TFAP2D: variants seen among roughly 807,000 people sequenced by gnomAD.
The protein encoded by TFAP2D is transcription factor AP-2 delta, also known as transcription factor AP-2-delta.
A neutral mutation model predicts 43.6 loss-of-function variants in TFAP2D; 9 were observed. The ratio of observed to expected loss-of-function variants is 0.21; its 90% CI spans 0.12 to 0.36. TFAP2D has a LOEUF of 0.36. TFAP2D is among the 10% of genes least tolerant of loss of function. The probability of loss-of-function intolerance (pLI) is 1.00; values close to 1 mark genes in which losing one functional copy is unlikely to be tolerated. For synonymous variants in TFAP2D, 256 were observed against 224.9 expected (o/e 1.14, Z -1.24); for missense variants, 513 against 561.4 (o/e 0.91, Z 0.87).
At chr6:50,719,447 G>A (rs865879273) in intron 3 of TFAP2D, among the ~76,000 whole-genome samples, 6 of 131,688 alleles carry the variant, frequency 4.6e-5, no homozygotes, top group Admixed American at 7.9e-5. Flanking sequence ...AAAAGACAGA[G>A]AGAAAGAAAG....
chr6:50,718,305 ACT>A (rs1661762684), intron 2 of TFAP2D: 1 of 150,884 alleles, frequency 6.6e-6, no homozygotes, highest in Admixed American at 6.6e-5. Flanking sequence ...TTATGCACCG[ACT>A]CTCTCCGCAT....
intron 3 of TFAP2D, among the ~76,000 whole-genome samples, chr6:50,721,591 C>A (rs1768725956): frequency 6.6e-6 from 1 of 152,156 alleles, no homozygotes; most frequent in African/African-American, 2.4e-5. Context: ...TGGTAGTACA[C>A]AGGACCCCTA....
intron 6 of TFAP2D, among the ~76,000 whole-genome samples, chr6:50,748,440 A>AATCT (rs1769155204): frequency 6.6e-6 from 1 of 151,962 alleles, no homozygotes; most frequent in Admixed American, 6.6e-5. Context: ...TCCAATTGCT[A>AATCT]ATCTACATTG....
intron 7 of TFAP2D, among the ~76,000 whole-genome samples, chr6:50,754,373 T>A (rs1769237815): frequency 6.6e-6 from 1 of 151,864 alleles, no homozygotes; most frequent in Admixed American, 6.6e-5. Context: ...AGTGTGTATG[T>A]GCCTATATAT....
intron 5 of TFAP2D, among the ~76,000 whole-genome samples, chr6:50,736,646 T>C (rs189838624): frequency 1.0e-3 from 159 of 152,270 alleles, no homozygotes; most frequent in Non-Finnish European, 2.1e-3. Flanking sequence ...TTCATTCATT[T>C]CTGTGTGGTG....
At chr6:50,723,369 G>T (rs900322433) in intron 3 of TFAP2D, among the ~76,000 whole-genome samples, 8 of 152,194 alleles carry the variant, frequency 5.3e-5, no homozygotes, top group Admixed American at 3.3e-4. Context: ...CTTGGAATCC[G>T]GGATGGAGAA....
intron 1 of TFAP2D, among the ~76,000 whole-genome samples, chr6:50,714,462 G>A (rs950084777): frequency 5.9e-5 from 9 of 152,050 alleles, no homozygotes; most frequent in Non-Finnish European, 7.4e-5. Context: ...CAAGGGGGAT[G>A]GGGAAAACGC....
chr6:50,722,668 G>A (rs1025877140), intron 3 of TFAP2D, among the ~76,000 whole-genome samples: 3 of 152,008 alleles, frequency 2.0e-5, no homozygotes, highest in Non-Finnish European at 4.4e-5. Flanking sequence ...GATCCATATT[G>A]GAATCGCAGG....
intron 6 of TFAP2D, among the ~76,000 whole-genome samples, chr6:50,749,874 T>C (rs1414996444): frequency 6.6e-6 from 1 of 151,878 alleles, no homozygotes; most frequent in East Asian, 1.9e-4. Flanking sequence ...GTGAAGTATC[T>C]TATTTCACTG....
intron 1 of TFAP2D, among the ~76,000 whole-genome samples, chr6:50,714,661 A>T (rs1213442095): frequency 6.6e-6 from 1 of 152,104 alleles, no homozygotes; most frequent in East Asian, 1.9e-4. Flanking sequence ...CAGAATTTCG[A>T]TGCTGGGGTC....
chr6:50,743,241 A>G (rs970510810), intron 5 of TFAP2D, among the ~76,000 whole-genome samples: 1 of 152,172 alleles, frequency 6.6e-6, no homozygotes, highest in African/African-American at 2.4e-5. Flanking sequence ...AATTTACAAA[A>G]CATTAACCGC....
chr6:50,771,610 C>T (rs1390599457), intron 7 of TFAP2D, among the ~76,000 whole-genome samples: 2 of 152,186 alleles, frequency 1.3e-5, no homozygotes, highest in Admixed American at 6.5e-5. Flanking sequence ...TTTCCAGCTA[C>T]TTCTTAATGA....
At chr6:50,719,227 G>A in intron 3 of TFAP2D, 77 bp downstream of exon 3, 3 of 1,441,136 alleles carry the variant, frequency 2.1e-6, no homozygotes, top group Non-Finnish European at 2.9e-6. Context: ...ATCTGGTTGT[G>A]CTCAGATTCC....
Position 50,752,034 on chromosome 6 carries a change from G to A in TFAP2D, c.1139+710G>A, listed in dbSNP as rs113102491. On this transcript the variant is annotated intron_variant, in intron 7 of 7. Transcript: ENST00000008391. ...CACAATTGTTTAATGGAAAGATGCC[G>A]TGACAGAAATTAACAGGATATCACT... Among the ~76,000 whole-genome samples, 257 of 151,854 alleles carry A rather than the reference G, an allele frequency of 1.7e-3. 1 individual carries two copies. The Middle Eastern group carries it at 0.017, about 10-fold the overall frequency.
chr6:50,740,992 A>G, intron 5 of TFAP2D, among the ~76,000 whole-genome samples: 1 of 152,118 alleles, frequency 6.6e-6, no homozygotes, highest in East Asian at 1.9e-4. Flanking sequence ...TGAATTCTCT[A>G]AAATCAACGA....
intron 7 of TFAP2D, among the ~76,000 whole-genome samples, chr6:50,757,853 A>G (rs1769311726): frequency 7.2e-6 from 1 of 138,014 alleles, no homozygotes; most frequent in African/African-American, 2.7e-5. Flanking sequence ...ATATAAACTT[A>G]TAATATACAA....
chr6:50,721,175 C>A (rs1768717317), intron 3 of TFAP2D, among the ~76,000 whole-genome samples: 3 of 152,166 alleles, frequency 2.0e-5, no homozygotes, highest in Non-Finnish European at 4.4e-5. Flanking sequence ...GGTCCCTATT[C>A]GTTTCAACTA....
chr6:50,739,889 G>A (rs1467503558), intron 5 of TFAP2D, among the ~76,000 whole-genome samples: 2 of 152,166 alleles, frequency 1.3e-5, no homozygotes, highest in African/African-American at 2.4e-5. Flanking sequence ...GTTGGTGTTT[G>A]ACAAAAGCAA....
intron 7 of TFAP2D, among the ~76,000 whole-genome samples, chr6:50,754,758 G>C (rs376360368): frequency 1.6e-4 from 24 of 151,720 alleles, no homozygotes; most frequent in East Asian, 1.6e-3. Context: ...ATGCTTCTTA[G>C]CCATTTCTAC....
Sources: gnomAD v4.1 joint callset for allele counts (sites outside exome capture counted in the v4.1 genomes callset) on GRCh38, gnomAD v4.1.1 for gene constraint, MANE v1.5 for transcripts, NCBI Gene and HGNC (gene_info 2026-07-23, HGNC 2026-07-21) for gene names.